TTC21A: variants seen among roughly 807,000 people sequenced by gnomAD.
TTC21A encodes tetratricopeptide repeat protein 21A.
Under a neutral mutation model 156.4 loss-of-function variants are expected in TTC21A, and 128 were observed. That is an observed-to-expected ratio of 0.82 (90% CI 0.71 to 0.95). The LOEUF is 0.95. Ranked by LOEUF, TTC21A falls within the 40% of genes least tolerant of loss-of-function variation. The probability of loss-of-function intolerance (pLI) is 0.00; values close to 1 mark genes in which losing one functional copy is unlikely to be tolerated. For missense variants in TTC21A, 1,435 were observed against 1,602.3 expected (o/e 0.90, Z 1.78); for synonymous variants, 587 against 617.1 (o/e 0.95, Z 0.72).
chr3:39,137,905 G>A (rs1465148764), intron 26 of TTC21A, 195 bp downstream of exon 26: 1 of 642,404 alleles, frequency 1.6e-6, no homozygotes, highest in East Asian at 2.7e-5. Context: ...GGTGAGAGGA[G>A]GTGCACAGGG....
chr3:39,129,535 C>T (rs530306094), intron 15 of TTC21A, among the ~76,000 whole-genome samples: 2 of 152,348 alleles, frequency 1.3e-5, no homozygotes, highest in South Asian at 2.1e-4. Context: ...CCCTGCTTGC[C>T]TCCCCCTCAC....
At chr3:39,137,825 A>G in intron 26 of TTC21A, 115 bp downstream of exon 26, 6 of 1,163,312 alleles carry the variant, frequency 5.2e-6, no homozygotes, top group Non-Finnish European at 7.3e-6. Context: ...ACTAGTCGGG[A>G]AGAGGCAGGC....
At chr3:39,133,494 A>G (rs1196303096) in intron 20 of TTC21A, among the ~76,000 whole-genome samples, 1 of 152,218 alleles carries the variant, frequency 6.6e-6, no homozygotes, top group Non-Finnish European at 1.5e-5. Context: ...TGTAGTGGGG[A>G]AGACATTGCT....
chr3:39,116,478 C>T (rs2037295526), intron 6 of TTC21A, among the ~76,000 whole-genome samples: 1 of 150,326 alleles, frequency 6.7e-6, no homozygotes, highest in Admixed American at 6.6e-5. Flanking sequence ...TAATTTCTGC[C>T]CCCCCCTTTT....
Position 39,133,095 on chromosome 3 carries a change from A to G in TTC21A, c.2606A>G (p.Glu869Gly). 1 of 1,614,218 alleles carries G rather than the reference A, an allele frequency of 6.2e-7. No individual in the cohort carries two copies. ...QSRILKRVPL[E>G]QPEMIPSQKQ... Reference sequence around the variant, plus strand: ...CGGATACTGAAGCGAGTTCCACTGGAGCAACCAGAAATGATTCCCTCCCAG... The same window carrying G: ...CGGATACTGAAGCGAGTTCCACTGGGGCAACCAGAAATGATTCCCTCCCAG... The change falls in exon 20 of 29, where the codon GAG becomes GGG. Residue 869 changes from glutamate to glycine, a missense_variant. Transcript: ENST00000683103.
chr3:39,114,362 C>T (rs1351406262), intron 5 of TTC21A, among the ~76,000 whole-genome samples: 1 of 152,172 alleles, frequency 6.6e-6, no homozygotes. Context: ...TCCCCAAAGC[C>T]CCTGCTCATC....
At chr3:39,126,972 A>G (rs2038318617) in intron 12 of TTC21A, among the ~76,000 whole-genome samples, 1 of 152,174 alleles carries the variant, frequency 6.6e-6, no homozygotes, top group Non-Finnish European at 1.5e-5. Context: ...AAGCTGAAAC[A>G]GGGAAGTGAT....
At chr3:39,135,723 A>G (rs2039061991) in intron 22 of TTC21A, among the ~76,000 whole-genome samples, 1 of 151,984 alleles carries the variant, frequency 6.6e-6, no homozygotes, top group Non-Finnish European at 1.5e-5. Context: ...TTATTTCTCC[A>G]TGTCTCAGTG....
At position 39,121,094 on chromosome 3, in the gene TTC21A, G is replaced by T. The variant is rs1335070916; in HGVS notation, c.998G>T (p.Gly333Val). 8.1e-6 allele frequency: 13 copies of T among 1,614,008 alleles called. No homozygotes were observed. The African/African-American group carries it at 1.2e-4, about 15-fold the overall frequency. ...PSYVHVATEL[G>V]YLFILKNQVK... ...TATGTCCATGTGGCCACAGAACTGGGCTATCTCTTCATCCTGAAGAACCAA... is the reference window on the plus strand; with the variant it reads ...TATGTCCATGTGGCCACAGAACTGGTCTATCTCTTCATCCTGAAGAACCAA... Residue 333 changes from glycine (G) to valine (V), a missense_variant, in exon 9 of 29, where the codon GGC becomes GTC. Coordinates refer to ENST00000683103, the MANE Select transcript of TTC21A (RefSeq NM_001366900.1).
chr3:39,121,323 G>T, intron 9 of TTC21A, 134 bp downstream of exon 9: 2 of 722,852 alleles, frequency 2.8e-6, no homozygotes, highest in South Asian at 3.7e-5. Flanking sequence ...AATGTATGAT[G>T]GGGTATCTTT....
Position 39,137,477 on chromosome 3 carries a change from G to T in TTC21A, c.3451-9G>T. The T allele has an allele frequency of 6.2e-7, 1 of 1,613,924 alleles. No individual in the cohort carries two copies. The highest frequency in any genetic ancestry group is 8.5e-7 in the Non-Finnish European group (1 of 1,179,800). ...ACGTGCTGACGTCCACTTCCTACCT[G>T]GTGTGTAGAAGGACAGCGTCCCTGC... On this transcript the variant is annotated splice_polypyrimidine_tract_variant and intron_variant, in intron 25 of 28. Coordinates refer to ENST00000683103, the MANE Select transcript of TTC21A (RefSeq NM_001366900.1).
chr3:39,132,695 A>T (rs1225402017), intron 19 of TTC21A: 2 of 322,500 alleles, frequency 6.2e-6, no homozygotes, highest in Non-Finnish European at 1.2e-5. Context: ...AGGCATACAG[A>T]ACAGAACAGT....
Position 39,134,341 on chromosome 3 carries a change from C to G in TTC21A, c.2862+13C>G. 1.3e-6 allele frequency: 2 copies of G among 1,569,090 alleles called. No homozygotes were observed. The highest frequency in any genetic ancestry group is 1.8e-6 in the Non-Finnish European group (2 of 1,139,012). On this transcript the variant is annotated intron_variant, in intron 21 of 28. Coordinates refer to ENST00000683103, the MANE Select transcript of TTC21A (RefSeq NM_001366900.1). This position sits in a 1 kb window ranked among gnomAD's most constrained non-coding sequence, Gnocchi z 4.6. Reference sequence around the variant, plus strand: ...GACCGCTTCTGTGGTAGGAAGCCCCCAGCACCCACTCCCTCCCCTCCCTTC... The same window carrying G: ...GACCGCTTCTGTGGTAGGAAGCCCCGAGCACCCACTCCCTCCCCTCCCTTC...
chr3:39,133,513 C>T (rs17791786), intron 20 of TTC21A, among the ~76,000 whole-genome samples: 19,550 of 152,202 alleles, frequency 0.13, 1,349 homozygotes, highest in African/African-American at 0.16. Flanking sequence ...CTGAAAATCA[C>T]GTTAGTCTGA....
Position 39,130,917 on chromosome 3 carries a change from G to A in TTC21A, c.2459-75G>A, listed in dbSNP as rs749566585. The stretch of plus-strand genomic sequence containing the variant: ...CCCATTCCCCATTAGCTGAAGTCCT[G>A]ATCCCAGCGCTCCCCACCAACACAG... On this transcript the variant is annotated intron_variant, in intron 18 of 28. Coordinates refer to ENST00000683103, the MANE Select transcript of TTC21A (RefSeq NM_001366900.1). The surrounding 1 kb of genome is among the most constrained non-coding windows in gnomAD (Gnocchi z 4.5). 3.2e-5 allele frequency: 51 copies of A among 1,608,466 alleles called. No individual in the cohort carries two copies. Among genetic ancestry groups the A allele is most frequent in the African/African-American group, 5.4e-5 (4 of 74,764 alleles).
At chr3:39,126,145 T>A in intron 11 of TTC21A, 116 bp from the exon 12 acceptor site, 1 of 1,303,666 alleles carries the variant, frequency 7.7e-7, no homozygotes, top group African/African-American at 1.5e-5. Flanking sequence ...CAGAGGATAA[T>A]AAATAAGTGT....
chr3:39,108,169 C>T (rs1169478338), intron 1 of TTC21A: 4 of 564,382 alleles, frequency 7.1e-6, no homozygotes, highest in Non-Finnish European at 1.3e-5. Flanking sequence ...CGCCTCCCAC[C>T]CCAGTTGATG....
At chr3:39,131,956 T>C (rs1432374746) in intron 19 of TTC21A, among the ~76,000 whole-genome samples, 3 of 152,150 alleles carry the variant, frequency 2.0e-5, no homozygotes, top group South Asian at 2.1e-4. Context: ...GTTCAAACCA[T>C]AGCAACGTCA....
At chr3:39,125,598 G>A in intron 11 of TTC21A, 66 bp downstream of exon 11, 1 of 1,205,914 alleles carries the variant, frequency 8.3e-7, no homozygotes, top group Admixed American at 1.7e-5. Flanking sequence ...CCCACCTGAA[G>A]GACAGAGGCA....
Sources: allele counts gnomAD v4.1 joint callset (sites outside exome capture counted in the v4.1 genomes callset), GRCh38; gene constraint gnomAD v4.1.1; non-coding constraint Gnocchi (gnomAD v3.1); transcripts MANE v1.5; gene names NCBI Gene and HGNC (gene_info 2026-07-23, HGNC 2026-07-21).